Variants in COL24A1 observed in about 807,000 individuals in gnomAD.
COL24A1 encodes the protein collagen type XXIV alpha 1 chain, also known as collagen alpha-1(XXIV) chain.
Under a neutral mutation model 253.9 loss-of-function variants are expected in COL24A1, and 224 were observed. That is an observed-to-expected ratio of 0.88 (90% CI 0.79 to 0.99). The LOEUF is 0.99. COL24A1 is among the 50% of genes least tolerant of loss of function. COL24A1 has a pLI of 0.00. For missense variants in COL24A1, 2,131 were observed against 2,068.5 expected (o/e 1.03, Z -0.59); for synonymous variants, 685 against 673.7 (o/e 1.02, Z -0.26).
intron 14 of COL24A1, among the ~76,000 whole-genome samples, chr1:86,023,342 T>C (rs1292508470): frequency 6.6e-6 from 1 of 152,180 alleles, no homozygotes; most frequent in Non-Finnish European, 1.5e-5. Flanking sequence ...TTTAGTGCCA[T>C]ATTCCCAGGA....
chr1:85,986,765 C>T (rs371757353), intron 20 of COL24A1, among the ~76,000 whole-genome samples: 3 of 151,758 alleles, frequency 2.0e-5, no homozygotes, highest in Admixed American at 1.3e-4. Flanking sequence ...AATCAAGATC[C>T]TTTCCAGCTT....
intron 2 of COL24A1, among the ~76,000 whole-genome samples, chr1:86,143,580 A>T (rs1335331397): frequency 6.6e-6 from 1 of 152,100 alleles, no homozygotes; most frequent in Non-Finnish European, 1.5e-5. Flanking sequence ...GAAAGGAGAC[A>T]CAGAGAATAG....
intron 47 of COL24A1, among the ~76,000 whole-genome samples, chr1:85,812,190 T>G (rs955808459): frequency 2.6e-5 from 4 of 152,222 alleles, no homozygotes; most frequent in Admixed American, 2.0e-4. Flanking sequence ...ACTCTATTCT[T>G]AAATCAAAAT....
chr1:86,125,201 G>C lies in COL24A1; in HGVS notation c.1135C>G (p.Gln379Glu). Residue 379 changes from glutamine (Q) to glutamate (E), a missense_variant, in exon 3 of 60, where the codon CAA (glutamine) becomes GAA (glutamate). Transcript: ENST00000370571. ...AGACCAGTTACTCTATCATCATGTT[G>C]TGTGATATTGTCAGACATGTTTAGG... ...SLLNMSDNIT[Q>E]HDDRVTGLSL... 1.9e-6 allele frequency: 3 copies of C among 1,613,442 alleles called. No homozygotes were observed. Among genetic ancestry groups the C allele is most frequent in the Non-Finnish European group, 2.5e-6 (3 of 1,179,680 alleles).
At chr1:85,997,081 A>ATATATATATATATATATAT (rs1694890080) in intron 19 of COL24A1, among the ~76,000 whole-genome samples, 1 of 128,510 alleles carries the variant, frequency 7.8e-6, no homozygotes, top group African/African-American at 2.8e-5. Flanking sequence ...ATATATATAT[A>ATATATATATATATATATAT]CCAGTTAGTA....
intron 1 of COL24A1, chr1:86,154,026 C>A (rs983002995): frequency 6.6e-6 from 1 of 152,134 alleles, no homozygotes; most frequent in African/African-American, 2.4e-5. Flanking sequence ...CGCTCCCTCT[C>A]TTACAAAACA....
intron 20 of COL24A1, among the ~76,000 whole-genome samples, chr1:85,975,985 A>G (rs1340553025): frequency 6.6e-6 from 1 of 152,194 alleles, no homozygotes; most frequent in East Asian, 1.9e-4. Context: ...AAGCCAAGGG[A>G]AGCCATCCTT....
intron 37 of COL24A1, among the ~76,000 whole-genome samples, chr1:85,856,763 G>A (rs1678482409): frequency 6.6e-6 from 1 of 152,134 alleles, no homozygotes; most frequent in Non-Finnish European, 1.5e-5. Flanking sequence ...TGAATATGAG[G>A]AGTTTGCCTG....
intron 31 of COL24A1, among the ~76,000 whole-genome samples, chr1:85,895,600 C>A (rs74378859): frequency 1.3e-5 from 2 of 151,886 alleles, no homozygotes; most frequent in South Asian, 4.2e-4. Flanking sequence ...AAACAATGAC[C>A]CAATGATTAA....
chr1:85,965,057 T>C lies in COL24A1; in HGVS notation c.2469A>G (p.Lys823=). 1 of 1,610,370 alleles carries C rather than the reference T, an allele frequency of 6.2e-7. No individual in the cohort carries two copies. Among genetic ancestry groups the C allele is most frequent in the Non-Finnish European group, 8.5e-7 (1 of 1,177,782 alleles). ...GAFGELGPRG[K]PGQKGYAGEP... is the part of the protein sequence containing the mutation. ...CACCTGCATACCCCTTTTGACCTGGTTTTCCCTAGAAGAGAACAGCATAAA... is the reference window on the plus strand; with the variant it reads ...CACCTGCATACCCCTTTTGACCTGGCTTTCCCTAGAAGAGAACAGCATAAA... The change falls in exon 23 of 60, where the codon AAA becomes AAG. Residue 823 remains lysine, a synonymous_variant. Coordinates refer to ENST00000370571, the MANE Select transcript of COL24A1 (RefSeq NM_152890.7).
Position 86,124,940 on chromosome 1 carries a change from CA to C in COL24A1, c.1395del (p.Tyr465Ter). The C allele has an allele frequency of 6.2e-7, 1 of 1,612,616 alleles. No individual in the cohort carries two copies. Among genetic ancestry groups the C allele is most frequent in the South Asian group, 1.1e-5 (1 of 90,936 alleles). ...PDATYPIENS[Y>X]ETELYDYYYY... Reference sequence around the variant, plus strand: ...TAATAATAATCATAAAGCTCAGTTTCATAGCTATTTTCGATGGGATAAGTAG... The same window carrying C: ...TAATAATAATCATAAAGCTCAGTTTCTAGCTATTTTCGATGGGATAAGTAG... On this transcript the variant is annotated frameshift_variant, in exon 3 of 60. Transcript: ENST00000370571. LOFTEE classifies it high-confidence loss of function.
At chr1:86,017,025 A>C in intron 19 of COL24A1, 126 bp downstream of exon 19, 1 of 877,986 alleles carries the variant, frequency 1.1e-6, no homozygotes, top group South Asian at 1.7e-5. Context: ...AGTCCAAACT[A>C]TTTACGGAGA....
At chr1:85,849,109 A>G (rs1263457526) in intron 38 of COL24A1, among the ~76,000 whole-genome samples, 1 of 152,168 alleles carries the variant, frequency 6.6e-6, no homozygotes, top group African/African-American at 2.4e-5. Flanking sequence ...CAAACAAGAG[A>G]AAGAAGGAAA....
rs1691010491 is a variant in COL24A1 at position 85,961,104 on chromosome 1, A to G, written c.2562+145T>C. The G allele has an allele frequency of 3.7e-5, 24 of 649,074 alleles. No homozygotes were observed. The East Asian group carries it at 6.9e-4, about 19-fold the overall frequency. 40.2% of individuals were successfully genotyped at this position (649,074 alleles called of 1,614,324 possible). On this transcript the variant is annotated intron_variant, in intron 24 of 59. Coordinates refer to ENST00000370571, the MANE Select transcript of COL24A1 (RefSeq NM_152890.7). Reference sequence around the variant, plus strand: ...ACAATAGGTTTTATTTGCCAGCAGAAACATCACAAGTAAGTTTAAATTTGT... The same window carrying G: ...ACAATAGGTTTTATTTGCCAGCAGAGACATCACAAGTAAGTTTAAATTTGT...
intron 28 of COL24A1, among the ~76,000 whole-genome samples, chr1:85,903,186 A>T (rs1472677519): frequency 3.3e-5 from 5 of 152,236 alleles, no homozygotes; most frequent in Admixed American, 3.3e-4. Flanking sequence ...AACCACATTT[A>T]GTTTAAAAAA....
At chr1:85,923,927 A>C (rs1181305896) in intron 24 of COL24A1, among the ~76,000 whole-genome samples, 1 of 152,206 alleles carries the variant, frequency 6.6e-6, no homozygotes, top group African/African-American at 2.4e-5. Context: ...TGCTAGCAAG[A>C]CTAATAAAGA....
intron 43 of COL24A1, among the ~76,000 whole-genome samples, chr1:85,830,170 G>T (rs2102088742): frequency 6.6e-6 from 1 of 152,146 alleles, no homozygotes; most frequent in Non-Finnish European, 1.5e-5. Context: ...AGGTCTGTTG[G>T]AGTACCCGGC....
intron 18 of COL24A1, among the ~76,000 whole-genome samples, 194 bp downstream of exon 18, chr1:86,022,046 C>G (rs1201358847): frequency 6.6e-6 from 1 of 152,190 alleles, no homozygotes; most frequent in East Asian, 1.9e-4. Context: ...TGGCTTTGGC[C>G]TAGGGTTGGG....
Position 86,110,739 on chromosome 1 carries a change from G to A in COL24A1, c.1599+1828C>T, listed in dbSNP as rs576751117. On this transcript the variant is annotated intron_variant, in intron 5 of 59. Transcript: ENST00000370571. Reference sequence around the variant, plus strand: ...CCCGCAGCACTGATGGCCCGCCCGTGCTGCGCTCGAATTCTCGCTGGGCCT... The same window carrying A: ...CCCGCAGCACTGATGGCCCGCCCGTACTGCGCTCGAATTCTCGCTGGGCCT... Among the ~76,000 whole-genome samples the A allele has an allele frequency of 2.3e-4, 35 of 152,260 alleles. 1 individual carries two copies. The South Asian group carries it at 7.3e-3, about 32-fold the overall frequency.
Sources: allele counts gnomAD v4.1 joint callset (sites outside exome capture counted in the v4.1 genomes callset), GRCh38; gene constraint gnomAD v4.1.1; transcripts MANE v1.5; gene names NCBI Gene and HGNC (gene_info 2026-07-23, HGNC 2026-07-21).